The following LGR5 variants were observed in gnomAD, a reference collection of about 807,000 sequenced individuals.
The protein encoded by LGR5 is leucine rich repeat containing G protein-coupled receptor 5, also known as leucine-rich repeat-containing G protein-coupled receptor 5.
LGR5 carries 54 observed loss-of-function variants against 76.7 expected under a neutral mutation model. That is an observed-to-expected ratio of 0.70 (90% CI 0.57 to 0.88). The LOEUF (loss-of-function observed/expected upper bound fraction) is 0.88. LGR5 is among the 40% of genes least tolerant of loss of function. LGR5 has a pLI of 0.00. For synonymous variants in LGR5, 406 were observed against 421.9 expected (o/e 0.96, Z 0.46); for missense variants, 1,078 against 1,073.3 (o/e 1.00, Z -0.06).
intron 11 of LGR5, among the ~76,000 whole-genome samples, chr12:71,571,045 G>A (rs1045983092): frequency 2.6e-5 from 4 of 151,982 alleles, no homozygotes; most frequent in Admixed American, 1.3e-4. Context: ...CTTAGATTCC[G>A]TTCCCCCACC....
chr12:71,484,017 G>C (rs1873723278), intron 1 of LGR5, among the ~76,000 whole-genome samples: 1 of 152,108 alleles, frequency 6.6e-6, no homozygotes, highest in South Asian at 2.1e-4. Flanking sequence ...AGAAAATAAT[G>C]AGTTTAATTT....
At position 71,584,921 on chromosome 12, in the gene LGR5, C is replaced by T. The variant is rs1285021182; in HGVS notation, c.*187C>T. On this transcript the variant is annotated 3_prime_UTR_variant, in exon 18 of 18. Transcript: ENST00000266674. ...TTGAGAGTGAATATAAGTCTAAATG[C>T]TGCTTTGTATAATTTGTTCAGCTAA... 5.0e-6 allele frequency: 3 copies of T among 600,150 alleles called. No individual in the cohort carries two copies. The highest frequency in any genetic ancestry group is 1.9e-5 in the African/African-American group (1 of 53,946). 37.2% of individuals were successfully genotyped at this position (600,150 alleles called of 1,614,324 possible). A position where few individuals can be genotyped will look rare whatever the true frequency, so the allele number is the denominator to read the frequency against.
chr12:71,476,551 TC>T (rs764261585), intron 1 of LGR5, among the ~76,000 whole-genome samples: 17 of 152,200 alleles, frequency 1.1e-4, no homozygotes, highest in Non-Finnish European at 1.5e-4. Context: ...TACTTTTTTG[TC>T]TCAGATATAA....
At chr12:71,442,611 T>A (rs374135821) in intron 1 of LGR5, among the ~76,000 whole-genome samples, 2 of 152,198 alleles carry the variant, frequency 1.3e-5, no homozygotes, top group African/African-American at 4.8e-5. Flanking sequence ...CAATGTGGTG[T>A]TCTTTATAAT....
rs1879251084 is a variant in LGR5 at position 71,584,712 on chromosome 12, T to C, written c.2702T>C (p.Val901Ala). 1.2e-6 allele frequency: 2 copies of C among 1,612,264 alleles called. No homozygotes were observed. The highest frequency in any genetic ancestry group is 8.5e-7 in the Non-Finnish European group (1 of 1,178,516). The change falls in exon 18 of 18, where the codon GTG becomes GCG. Residue 901 changes from valine to alanine, a missense_variant. By Grantham distance (64) the Val-to-Ala change is moderately conservative. Coordinates refer to ENST00000266674, the MANE Select transcript of LGR5 (RefSeq NM_003667.4). Reference protein sequence around the residue: ...PVTESCHLSSVAFVPCL With the variant: ...PVTESCHLSSAAFVPCL The stretch of plus-strand genomic sequence containing the variant: ...ACTGAGAGCTGCCATCTTTCCTCTG[T>C]GGCATTTGTCCCATGTCTCTAATTA...
At chr12:71,442,854 A>G (rs79351985) in intron 1 of LGR5, among the ~76,000 whole-genome samples, 2,693 of 152,322 alleles carry the variant, frequency 0.018, 90 homozygotes, top group African/African-American at 0.062. Flanking sequence ...TGATTTATTC[A>G]TATTCAAATA....
chr12:71,527,412 T>C (rs1014752769), intron 3 of LGR5, among the ~76,000 whole-genome samples: 12 of 152,168 alleles, frequency 7.9e-5, no homozygotes, highest in Non-Finnish European at 1.5e-4. Context: ...TGAGGGCTGC[T>C]TTCTGCTTCC....
intron 1 of LGR5, among the ~76,000 whole-genome samples, chr12:71,496,370 C>CAAAAAAAAA (rs67593850): frequency 3.0e-5 from 3 of 99,548 alleles, no homozygotes; most frequent in Admixed American, 1.3e-4. Flanking sequence ...TCCATCTCAA[C>CAAAAAAAAA]AAAAAAAAAA....
intron 2 of LGR5, among the ~76,000 whole-genome samples, chr12:71,519,013 T>C (rs573839313): frequency 2.0e-5 from 3 of 152,316 alleles, no homozygotes; most frequent in South Asian, 4.1e-4. Context: ...AAGGGTCCCA[T>C]CAGAAGGACA....
At chr12:71,444,376 G>T (rs1285899743) in intron 1 of LGR5, among the ~76,000 whole-genome samples, 1 of 151,876 alleles carries the variant, frequency 6.6e-6, no homozygotes, top group Admixed American at 6.6e-5. Flanking sequence ...TAGTGTTTTT[G>T]TTATAGGGTG....
At chr12:71,479,335 A>G (rs997707002) in intron 1 of LGR5, among the ~76,000 whole-genome samples, 1 of 152,214 alleles carries the variant, frequency 6.6e-6, no homozygotes, top group Non-Finnish European at 1.5e-5. Context: ...TTTGTTAAAA[A>G]TAAGCCTCCT....
intron 1 of LGR5, among the ~76,000 whole-genome samples, chr12:71,498,260 G>T (rs1874425947): frequency 6.6e-6 from 1 of 152,182 alleles, no homozygotes. Flanking sequence ...GCTCCCAAGA[G>T]TATTTTATTT....
chr12:71,555,924 G>C (rs1227618032), intron 5 of LGR5, among the ~76,000 whole-genome samples: 2 of 152,100 alleles, frequency 1.3e-5, no homozygotes, highest in Non-Finnish European at 2.9e-5. Flanking sequence ...GGAATCAGCT[G>C]AAATGCCCAT....
chr12:71,548,837 CA>C (rs1877331048), intron 4 of LGR5, among the ~76,000 whole-genome samples: 4 of 152,012 alleles, frequency 2.6e-5, no homozygotes, highest in African/African-American at 7.2e-5. Context: ...CACACACACA[CA>C]CACACACACA....
At chr12:71,542,703 T>C (rs1876943385) in intron 4 of LGR5, among the ~76,000 whole-genome samples, 1 of 152,182 alleles carries the variant, frequency 6.6e-6, no homozygotes, top group Non-Finnish European at 1.5e-5. Context: ...TATACAGCCA[T>C]GTGCTTACTG....
intron 1 of LGR5, among the ~76,000 whole-genome samples, chr12:71,449,197 G>A (rs1019845507): frequency 1.1e-4 from 16 of 152,306 alleles, no homozygotes; most frequent in African/African-American, 1.4e-4. Flanking sequence ...CACCAAGGGC[G>A]TCAAACTAGA....
intron 12 of LGR5, among the ~76,000 whole-genome samples, 189 bp downstream of exon 12, chr12:71,571,768 A>G (rs574432111): frequency 6.6e-6 from 1 of 152,224 alleles, no homozygotes; most frequent in Non-Finnish European, 1.5e-5. Context: ...TTATTTTTTC[A>G]TGCACTGTAC....
intron 5 of LGR5, among the ~76,000 whole-genome samples, chr12:71,554,436 A>G (rs964915346): frequency 1.1e-4 from 17 of 152,198 alleles, no homozygotes; most frequent in African/African-American, 4.1e-4. Flanking sequence ...TATAGGAGCA[A>G]CTGGGGAGGT....
At position 71,578,842 on chromosome 12, in the gene LGR5, C is replaced by T; in HGVS notation, c.1319C>T (p.Thr440Ile). The change falls in exon 15 of 18, where the codon ACT becomes ATT. Residue 440 changes from threonine (T) to isoleucine (I), a missense_variant. Thr to Ile is a moderately conservative substitution (Grantham distance 89, BLOSUM62 -1). Coordinates refer to ENST00000266674, the MANE Select transcript of LGR5 (RefSeq NM_003667.4). ...AACCTCCTGTCGTCTTTTCCTATAACTGGGTTACATGGTTTAACTCACTTA... is the reference window on the plus strand; with the variant it reads ...AACCTCCTGTCGTCTTTTCCTATAATTGGGTTACATGGTTTAACTCACTTA... Reference protein sequence around the residue: ...SSNLLSSFPITGLHGLTHLKL... With the variant: ...SSNLLSSFPIIGLHGLTHLKL... 1 of 1,610,510 alleles carries T rather than the reference C, an allele frequency of 6.2e-7. No individual in the cohort carries two copies. The highest frequency in any genetic ancestry group is 8.5e-7 in the Non-Finnish European group (1 of 1,177,960).
Sources: allele counts gnomAD v4.1 joint callset (sites outside exome capture counted in the v4.1 genomes callset), GRCh38; gene constraint gnomAD v4.1.1; transcripts MANE v1.5; gene names NCBI Gene and HGNC (gene_info 2026-07-23, HGNC 2026-07-21).